FAM200B: variants seen among roughly 807,000 people sequenced by gnomAD.
FAM200B encodes the protein protein FAM200B.
Under a neutral mutation model 33.1 loss-of-function variants are expected in FAM200B, and 32 were observed. That is an observed-to-expected ratio of 0.97 (90% CI 0.73 to 1.30). FAM200B has a LOEUF of 1.30. Ranked by LOEUF, FAM200B falls within the 50% of genes most tolerant of loss-of-function variation. The pLI, the probability that FAM200B is intolerant of heterozygous loss-of-function variation, is 0.00. For synonymous variants in FAM200B, 240 were observed against 264.8 expected, an observed-to-expected ratio of 0.91 and a Z score of 0.91; for missense variants, 741 against 754.0, an observed-to-expected ratio of 0.98 and a Z score of 0.20.
At chr4:15,642,708 A>G in the FAM200B span, among the ~76,000 whole-genome samples, 19 of 152,150 alleles carry the variant, frequency 1.2e-4, no homozygotes, top group African/African-American at 4.6e-4. Context: ...TCCTACTTAT[A>G]TGCTAATAAT....
the FAM200B span, chr4:15,659,705 A>G: frequency 1.2e-5 from 12 of 984,478 alleles, no homozygotes; most frequent in Non-Finnish European, 1.4e-5. Context: ...CCATTTCCCA[A>G]ATATACCTTT....
At chr4:15,667,153 T>C in the FAM200B span, among the ~76,000 whole-genome samples, 2 of 152,186 alleles carry the variant, frequency 1.3e-5, no homozygotes, top group African/African-American at 2.4e-5. Flanking sequence ...CATGGGACAG[T>C]GCAAAGGGCA....
chr4:15,646,684 T>C, the FAM200B span, among the ~76,000 whole-genome samples: 1 of 150,082 alleles, frequency 6.7e-6, no homozygotes. Flanking sequence ...CTCCCAATGC[T>C]ATCCCTCCCC....
chr4:15,657,483 T>C, the FAM200B span, among the ~76,000 whole-genome samples: 4 of 152,224 alleles, frequency 2.6e-5, no homozygotes, highest in Non-Finnish European at 5.9e-5. Context: ...CCAGACACAT[T>C]AAAAAGGTAT....
At chr4:15,684,119 G>A (rs1414738774) in intron 1 of FAM200B, among the ~76,000 whole-genome samples, 1 of 152,174 alleles carries the variant, frequency 6.6e-6, no homozygotes, top group East Asian at 1.9e-4. Context: ...TGTAGCCGCA[G>A]GAGCCAATTT....
At chr4:15,646,902 T>C in the FAM200B span, among the ~76,000 whole-genome samples, 1 of 151,934 alleles carries the variant, frequency 6.6e-6, no homozygotes, top group Admixed American at 6.6e-5. Context: ...TCCGTGGGGA[T>C]GCAGAAACCA....
In FAM200B at chr4:15,687,344, C is replaced by A. The variant is rs1436100691; in HGVS notation, c.367C>A (p.Gln123Lys). Residue 123 changes from glutamine (Q) to lysine (K), a missense_variant, in exon 2 of 2, where the codon CAA (glutamine) becomes AAA (lysine). By Grantham distance (53) the Gln-to-Lys change is moderately conservative. Transcript: ENST00000422728. ...ELIDKPLEYFQRKKKDIKLST... is the reference protein window; with the variant it reads ...ELIDKPLEYFKRKKKDIKLST... ...TATTGATAAGCCTCTTGAATATTTT[C>A]AAAGAAAGAAAAAAGACATAAAGTT... is the stretch of plus-strand genomic sequence containing the variant. The A allele has an allele frequency of 6.5e-7, 1 of 1,543,308 alleles. No individual in the cohort carries two copies. Among genetic ancestry groups the A allele is most frequent in the South Asian group, 1.2e-5 (1 of 82,338 alleles).
chr4:15,642,102 C>G, the FAM200B span, among the ~76,000 whole-genome samples: 1 of 151,906 alleles, frequency 6.6e-6, no homozygotes, highest in Non-Finnish European at 1.5e-5. Flanking sequence ...GCAAGGTGCT[C>G]ACTATATCTT....
chr4:15,672,246 C>A, the FAM200B span, among the ~76,000 whole-genome samples: 1 of 152,230 alleles, frequency 6.6e-6, no homozygotes, highest in East Asian at 1.9e-4. Flanking sequence ...ACCCAATGCT[C>A]CGTGAATGAG....
chr4:15,671,830 C>T, the FAM200B span, among the ~76,000 whole-genome samples: 1 of 152,186 alleles, frequency 6.6e-6, no homozygotes, highest in Admixed American at 6.5e-5. Flanking sequence ...AATGTCCAAT[C>T]TGCCATTAAA....
chr4:15,671,151 T>C, the FAM200B span, among the ~76,000 whole-genome samples: 1 of 152,000 alleles, frequency 6.6e-6, no homozygotes, highest in Non-Finnish European at 1.5e-5. Flanking sequence ...CTCGAACTCC[T>C]GACCTCAAGT....
At chr4:15,679,766 TAA>T (rs553579071), upstream of FAM200B, among the ~76,000 whole-genome samples, 4 of 142,780 alleles carry the variant, frequency 2.8e-5, no homozygotes, top group Non-Finnish European at 1.5e-5. Flanking sequence ...CCAATCCCCC[TAA>T]AAAAAAAAAA....
At chr4:15,646,259 ATTC>A in the FAM200B span, among the ~76,000 whole-genome samples, 1 of 152,196 alleles carries the variant, frequency 6.6e-6, no homozygotes, top group Non-Finnish European at 1.5e-5. Flanking sequence ...ACAAAATACT[ATTC>A]TTCTTTTGAT....
chr4:15,659,129 GAAGGGTACC>G, the FAM200B span, among the ~76,000 whole-genome samples: 2 of 152,150 alleles, frequency 1.3e-5, no homozygotes, highest in Admixed American at 6.5e-5. Flanking sequence ...GTCATAAATG[GAAGGGTACC>G]CAGTAAAATA....
the FAM200B span, among the ~76,000 whole-genome samples, chr4:15,674,587 CCTT>C: frequency 6.6e-6 from 1 of 151,662 alleles, no homozygotes; most frequent in Admixed American, 6.6e-5. Context: ...AATCATAAAA[CCTT>C]CTTTTCTCCT....
the FAM200B span, among the ~76,000 whole-genome samples, chr4:15,651,289 A>G: frequency 6.6e-6 from 1 of 152,226 alleles, no homozygotes; most frequent in Non-Finnish European, 1.5e-5. Flanking sequence ...TGCAAAACCC[A>G]TGGGCTTCCG....
the FAM200B span, among the ~76,000 whole-genome samples, chr4:15,640,433 G>C: frequency 8.2e-6 from 1 of 122,676 alleles, no homozygotes; most frequent in Non-Finnish European, 1.8e-5. Flanking sequence ...TTTAAACATA[G>C]CATGAAAACA....
rs931627978 is a variant in FAM200B, at chr4:15,686,702, T to C, written c.-276T>C. On this transcript the variant is annotated 5_prime_UTR_variant, in exon 2 of 2. It removes an upstream start codon present in the reference 5' UTR. Transcript: ENST00000422728. ...AGAGGGGTATTTGATGGAGGAGATA[T>C]GATGAATAGAATGTATATTGGCTAA... 5 of 213,406 alleles carry C rather than the reference T, an allele frequency of 2.3e-5. No individual in the cohort carries two copies. Among genetic ancestry groups the C allele is most frequent in the Non-Finnish European group, 4.6e-5 (5 of 108,526 alleles). 13.2% of individuals were successfully genotyped at this position (213,406 alleles called of 1,614,324 possible).
In FAM200B at chr4:15,688,248, C is replaced by T; in HGVS notation, c.1271C>T (p.Thr424Ile). ...SHLASIFEDD[T>I]WVTKLAYLTD... is the part of the protein sequence containing the mutation. Reference sequence around the variant, plus strand: ...TTGGCAAGTATTTTTGAAGATGATACTTGGGTAACAAAATTGGCATATTTA... The same window carrying T: ...TTGGCAAGTATTTTTGAAGATGATATTTGGGTAACAAAATTGGCATATTTA... Residue 424 changes from threonine to isoleucine, a missense_variant, in exon 2 of 2, where the codon ACT becomes ATT. Physicochemically the swap from Thr to Ile is moderately conservative, Grantham distance 89. Transcript: ENST00000422728. 5.2e-6 allele frequency: 8 copies of T among 1,549,160 alleles called. No homozygotes were observed. Among genetic ancestry groups the T allele is most frequent in the Non-Finnish European group, 7.0e-6 (8 of 1,145,158 alleles).
Sources: allele counts gnomAD v4.1 joint callset (sites outside exome capture counted in the v4.1 genomes callset), GRCh38; gene constraint gnomAD v4.1.1; transcripts MANE v1.5; gene names NCBI Gene and HGNC (gene_info 2026-07-23, HGNC 2026-07-21).